Variants in RFX4 observed in about 807,000 individuals in gnomAD.
RFX4 encodes the protein transcription factor RFX4.
A neutral mutation model predicts 95.0 loss-of-function variants in RFX4; 10 were observed. That is an observed-to-expected ratio of 0.11 (90% CI 0.06 to 0.18). The LOEUF is 0.18. RFX4 is among the 10% of genes least tolerant of loss of function. The pLI is 1.00. For synonymous variants in RFX4, 321 were observed against 340.7 expected, an observed-to-expected ratio of 0.94 and a Z score of 0.64; for missense variants, 640 against 922.0, an observed-to-expected ratio of 0.69 and a Z score of 3.96.
chr12:106,614,201 C>T (rs1158018475), intron 2 of RFX4, among the ~76,000 whole-genome samples: 1 of 151,784 alleles, frequency 6.6e-6, no homozygotes, highest in African/African-American at 2.4e-5. Flanking sequence ...CACTCTGTCA[C>T]CCAAGCTGGA....
chr12:106,656,368 C>T lies in RFX4; in HGVS notation c.315+2017C>T, dbSNP rs1380855967. ...GCAGAATGAAACGTTCCCAGCATCACAGAAAGTTCTATCAGAGAGTCCTGT... is the reference window on the plus strand; with the variant it reads ...GCAGAATGAAACGTTCCCAGCATCATAGAAAGTTCTATCAGAGAGTCCTGT... On this transcript the variant is annotated intron_variant, in intron 4 of 17. Coordinates refer to ENST00000392842, the MANE Select transcript of RFX4 (RefSeq NM_213594.3). 2.0e-5 allele frequency among the ~76,000 whole-genome samples: 3 copies of T among 152,216 alleles called. No individual in the cohort carries two copies. In the East Asian group the frequency reaches 5.8e-4, roughly 29 times the overall value.
chr12:106,665,869 T>C (rs2041166809), intron 4 of RFX4, among the ~76,000 whole-genome samples: 1 of 152,044 alleles, frequency 6.6e-6, no homozygotes, highest in South Asian at 2.1e-4. Flanking sequence ...TATAATCAAG[T>C]ACTTTGTTGC....
intron 8 of RFX4, among the ~76,000 whole-genome samples, chr12:106,701,822 G>C (rs1400562561): frequency 6.6e-6 from 1 of 152,194 alleles, no homozygotes; most frequent in East Asian, 1.9e-4. Context: ...GATCACTTGA[G>C]GACAGCCCAG....
intron 3 of RFX4, among the ~76,000 whole-genome samples, chr12:106,650,594 G>A (rs984327209): frequency 5.9e-5 from 9 of 152,164 alleles, no homozygotes; most frequent in South Asian, 2.1e-4. Context: ...TTAGCCAGGT[G>A]TGGGACACCT....
chr12:106,697,979 A>AT (rs1049814468), intron 8 of RFX4, among the ~76,000 whole-genome samples: 19 of 148,052 alleles, frequency 1.3e-4, no homozygotes, highest in South Asian at 4.3e-4. Flanking sequence ...TATTATTATT[A>AT]TTTTTTTTTT....
intron 14 of RFX4, 143 bp from the exon 15 acceptor site, chr12:106,732,781 C>T: frequency 1.5e-6 from 1 of 671,354 alleles, no homozygotes; most frequent in Non-Finnish European, 2.5e-6. Flanking sequence ...CCTTGAGTGT[C>T]ATGATGGTGA....
intron 4 of RFX4, among the ~76,000 whole-genome samples, chr12:106,664,978 T>G (rs984085417): frequency 6.6e-6 from 1 of 151,876 alleles, no homozygotes; most frequent in Non-Finnish European, 1.5e-5. Flanking sequence ...AGAATATATA[T>G]TCTGCTATTT....
chr12:106,671,358 A>G (rs1485881419), intron 4 of RFX4, among the ~76,000 whole-genome samples: 1 of 152,158 alleles, frequency 6.6e-6, no homozygotes, highest in East Asian at 1.9e-4. Context: ...TGTATTATGT[A>G]GAGTGATGAG....
intron 3 of RFX4, among the ~76,000 whole-genome samples, chr12:106,644,715 A>G (rs1405487740): frequency 6.6e-6 from 1 of 152,210 alleles, no homozygotes. Context: ...TTGCAAAATT[A>G]CCCATCAAAT....
intron 11 of RFX4, 123 bp from the exon 12 acceptor site, chr12:106,719,837 C>A (rs1252203493): frequency 1.8e-5 from 13 of 734,870 alleles, no homozygotes; most frequent in Non-Finnish European, 1.4e-5. Context: ...CTGCTAAGAC[C>A]TTGGAGTTTT....
chr12:106,747,594 A>G lies in RFX4; in HGVS notation c.1791A>G (p.Glu597=), dbSNP rs764157686. 1.2e-5 allele frequency: 20 copies of G among 1,613,474 alleles called. No homozygotes were observed. The Admixed American group carries it at 3.3e-4, about 27-fold the overall frequency. Residue 597 remains glutamate, a synonymous_variant, in exon 16 of 18, where the codon GAA becomes GAG. Coordinates refer to ENST00000392842, the MANE Select transcript of RFX4 (RefSeq NM_213594.3). ...TACCAGTTTATCCCCACAGAGAGGA[A>G]CATGGGTAGGTAACTTTCCAGGGAT... ...HRIPVYPHRE[E]HGYTGSYNYG...
chr12:106,587,771 C>G (rs944933452), intron 1 of RFX4, among the ~76,000 whole-genome samples: 1 of 152,218 alleles, frequency 6.6e-6, no homozygotes, highest in Non-Finnish European at 1.5e-5. Context: ...TTCTCACCCC[C>G]TATCTCAAAC....
chr12:106,717,010 A>C (rs2042307261), intron 11 of RFX4, among the ~76,000 whole-genome samples: 1 of 151,750 alleles, frequency 6.6e-6, no homozygotes, highest in Non-Finnish European at 1.5e-5. Flanking sequence ...CAAAAAAAAA[A>C]AAAAAAAAAA....
At chr12:106,712,898 C>G (rs981867353) in intron 10 of RFX4, among the ~76,000 whole-genome samples, 2 of 152,132 alleles carry the variant, frequency 1.3e-5, no homozygotes, top group Non-Finnish European at 2.9e-5. Context: ...TTTGGTGCCT[C>G]CCTCTGGGGA....
intron 3 of RFX4, among the ~76,000 whole-genome samples, chr12:106,651,200 G>A (rs1438498065): frequency 2.0e-5 from 3 of 152,020 alleles, no homozygotes; most frequent in Admixed American, 6.6e-5. Flanking sequence ...CATCCTTGCT[G>A]TTCTACTTGC....
chr12:106,669,887 T>C lies in RFX4; in HGVS notation c.316-12106T>C, dbSNP rs930787830. Among the ~76,000 whole-genome samples, 4 of 146,396 alleles carry C rather than the reference T, an allele frequency of 2.7e-5. No homozygotes were observed. The South Asian group carries it at 6.7e-4, about 24-fold the overall frequency. ...GTGTGTGTGTGTGTGTGTAGTGCCA[T>C]GTAAAACTCTGGGGGGTCAAACTCT... On this transcript the variant is annotated intron_variant, in intron 4 of 17. Transcript: ENST00000392842.
chr12:106,710,595 A>C (rs1253387518), intron 9 of RFX4, among the ~76,000 whole-genome samples: 6 of 152,186 alleles, frequency 3.9e-5, no homozygotes, highest in Non-Finnish European at 4.4e-5. Flanking sequence ...TACCAAGAAG[A>C]ATGCCCCCGC....
rs373810067 is a variant in RFX4 at position 106,697,001 on chromosome 12, C to T, written c.833+555C>T. Among the ~76,000 whole-genome samples, 21 of 152,198 alleles carry T rather than the reference C, an allele frequency of 1.4e-4. No homozygotes were observed. The East Asian group carries it at 1.5e-3, about 11-fold the overall frequency. ...ATAGCATGGGCCACCACACAGGGCG[C>T]TTCTCAGGGAGGGATGGAGGGAGGA... On this transcript the variant is annotated intron_variant, in intron 8 of 17. Coordinates refer to ENST00000392842, the MANE Select transcript of RFX4 (RefSeq NM_213594.3).
At position 106,683,466 on chromosome 12, in the gene RFX4, G is replaced by GAAAAAAAAAAAAAAA. The variant is rs149587196; in HGVS notation, c.377+1428_377+1442dup. 4 of 50,828 alleles carry GAAAAAAAAAAAAAAA rather than the reference G, an allele frequency of 7.9e-5. 1 individual carries two copies. The highest frequency in any genetic ancestry group is 1.4e-4 in the Non-Finnish European group (4 of 29,538). The allele number at this position is 50,828 out of a possible 1,614,324, so 3.1% of individuals were successfully genotyped here. A position where few individuals can be genotyped will look rare whatever the true frequency, so the allele number is the denominator to read the frequency against. ...AATAATTTTCCAAGATGACTATTCT[G>GAAAAAAAAAAAAAAA]AAAAAAAAAAAAAAAAAAAAAAAAA... On this transcript the variant is annotated intron_variant, in intron 5 of 17. Transcript: ENST00000392842.
Sources: gnomAD v4.1 joint callset for allele counts (sites outside exome capture counted in the v4.1 genomes callset) on GRCh38, gnomAD v4.1.1 for gene constraint, MANE v1.5 for transcripts, NCBI Gene and HGNC (gene_info 2026-07-23, HGNC 2026-07-21) for gene names.